The following PTPRD variants were observed in gnomAD, a reference collection of about 807,000 sequenced individuals.
The protein encoded by PTPRD is receptor-type tyrosine-protein phosphatase delta.
PTPRD carries 34 observed loss-of-function variants against 214.5 expected under a neutral mutation model. That is an observed-to-expected ratio of 0.16 (90% CI 0.12 to 0.21). The LOEUF (loss-of-function observed/expected upper bound fraction) is 0.21, where lower values mean the gene tolerates loss of function less well. Ranked by LOEUF, PTPRD falls within the 10% of genes least tolerant of loss-of-function variation. The pLI, the probability that PTPRD is intolerant of heterozygous loss-of-function variation, is 1.00. For synonymous variants in PTPRD, 1,128 were observed against 845.7 expected (o/e 1.33, Z -5.79); for missense variants, 2,545 against 2,398.7 (o/e 1.06, Z -1.27).
chr9:9,831,050 G>A (rs2054654342), intron 5 of PTPRD, among the ~76,000 whole-genome samples: 2 of 151,844 alleles, frequency 1.3e-5, no homozygotes, highest in Non-Finnish European at 1.5e-5. Context: ...ATTTTAGCAT[G>A]GAAGGTGAAA....
intron 14 of PTPRD, among the ~76,000 whole-genome samples, chr9:8,569,965 C>T (rs567985870): frequency 1.7e-4 from 26 of 152,128 alleles, no homozygotes; most frequent in Non-Finnish European, 2.5e-4. Flanking sequence ...GTACATAATG[C>T]GGTGAACTGT....
intron 37 of PTPRD, among the ~76,000 whole-genome samples, chr9:8,382,695 T>A (rs1271880261): frequency 6.6e-6 from 1 of 152,326 alleles, no homozygotes; most frequent in East Asian, 1.9e-4. Context: ...AACATGAGCA[T>A]CATTCTTTTT....
At chr9:10,031,350 A>G (rs539726617) in intron 4 of PTPRD, among the ~76,000 whole-genome samples, 1 of 151,958 alleles carries the variant, frequency 6.6e-6, no homozygotes, top group East Asian at 1.9e-4. Context: ...CATTTGAGTC[A>G]GTGGGCTGGG....
chr9:10,592,961 C>T (rs1023992441), intron 2 of PTPRD, among the ~76,000 whole-genome samples: 5 of 151,856 alleles, frequency 3.3e-5, no homozygotes, highest in East Asian at 3.9e-4. Flanking sequence ...CATGTTCTTT[C>T]GCTCTTCACA....
chr9:8,496,865 G>A (rs10115554), intron 26 of PTPRD, among the ~76,000 whole-genome samples: 19,437 of 152,142 alleles, frequency 0.13, 1,455 homozygotes, highest in African/African-American at 0.21. Flanking sequence ...ATCAGCTGTA[G>A]TTAATGTTAG....
At chr9:10,079,553 G>A (rs1018444716) in intron 3 of PTPRD, among the ~76,000 whole-genome samples, 2 of 152,002 alleles carry the variant, frequency 1.3e-5, no homozygotes, top group Non-Finnish European at 2.9e-5. Context: ...TTGAGTGTGG[G>A]CATCAAGGAT....
chr9:9,232,188 C>A (rs1050514839), intron 9 of PTPRD, among the ~76,000 whole-genome samples: 1 of 152,070 alleles, frequency 6.6e-6, no homozygotes, highest in Non-Finnish European at 1.5e-5. Context: ...GTGCATTATG[C>A]CCATCATTAC....
intron 11 of PTPRD, among the ~76,000 whole-genome samples, chr9:8,839,300 T>TTTTATTTATTTATTTA (rs3046017): frequency 1.3e-5 from 2 of 150,326 alleles, no homozygotes; most frequent in Admixed American, 6.6e-5. Flanking sequence ...ACCAAGGGGA[T>TTTTATTTATTTATTTA]TTTATTTATT....
intron 9 of PTPRD, among the ~76,000 whole-genome samples, chr9:9,195,716 C>CAAAAA (rs373628761): frequency 1.5e-5 from 2 of 130,252 alleles, no homozygotes; most frequent in Non-Finnish European, 3.4e-5. Flanking sequence ...TTTTTAAATG[C>CAAAAA]AAAAAAAAAA....
intron 3 of PTPRD, among the ~76,000 whole-genome samples, chr9:10,049,679 G>A (rs1309931697): frequency 2.6e-5 from 4 of 152,178 alleles, no homozygotes; most frequent in East Asian, 1.9e-4. Context: ...AGAATCTTCA[G>A]TAAAGAAAGA....
At chr9:8,814,188 T>A (rs1310122188) in intron 11 of PTPRD, among the ~76,000 whole-genome samples, 2 of 152,076 alleles carry the variant, frequency 1.3e-5, no homozygotes, top group Non-Finnish European at 2.9e-5. Flanking sequence ...AGGGATGCCA[T>A]CCTGAAACTC....
rs4742603 is a variant in PTPRD at position 9,478,712 on chromosome 9, T to A, written c.-236-81230A>T. ...AATATTAAAGTTGAAAATTAATTAA[T>A]CTTTTTAAAAATTTGATGCTCAAAA... On this transcript the variant is annotated intron_variant, in intron 8 of 45. Coordinates refer to ENST00000381196, the MANE Select transcript of PTPRD (RefSeq NM_002839.4). Among the ~76,000 whole-genome samples the A allele has an allele frequency of 2.8e-4, 42 of 152,094 alleles. 2 individuals carry two copies. In the East Asian group the frequency reaches 6.6e-3, roughly 24 times the overall value.
chr9:9,783,655 T>G (rs184838989), intron 5 of PTPRD, among the ~76,000 whole-genome samples: 1 of 152,048 alleles, frequency 6.6e-6, no homozygotes, highest in African/African-American at 2.4e-5. Context: ...ACAAGAACGC[T>G]ACTTTGTACC....
At chr9:10,037,825 C>T (rs922426349) in intron 3 of PTPRD, among the ~76,000 whole-genome samples, 1 of 152,122 alleles carries the variant, frequency 6.6e-6, no homozygotes, top group African/African-American at 2.4e-5. Flanking sequence ...GCTCAAATAT[C>T]TCATCTTAAA....
intron 4 of PTPRD, among the ~76,000 whole-genome samples, chr9:9,963,099 G>C (rs1202848657): frequency 6.6e-6 from 1 of 151,968 alleles, no homozygotes; most frequent in Non-Finnish European, 1.5e-5. Context: ...TTTGACTTTA[G>C]TAACAAGTTT....
At chr9:10,576,779 C>T (rs1266450584) in intron 2 of PTPRD, among the ~76,000 whole-genome samples, 1 of 152,096 alleles carries the variant, frequency 6.6e-6, no homozygotes, top group African/African-American at 2.4e-5. Context: ...TTGTCTTAAA[C>T]ACAACAGTTG....
intron 44 of PTPRD, among the ~76,000 whole-genome samples, chr9:8,329,767 A>T (rs1837864144): frequency 6.6e-6 from 1 of 151,938 alleles, no homozygotes; most frequent in Admixed American, 6.6e-5. Flanking sequence ...GCTGCAGTGG[A>T]CTCAGCCCTG....
At chr9:8,844,517 C>A (rs781251956) in intron 11 of PTPRD, among the ~76,000 whole-genome samples, 1 of 152,120 alleles carries the variant, frequency 6.6e-6, no homozygotes, top group African/African-American at 2.4e-5. Flanking sequence ...AATAAAATAT[C>A]ACTCAAAATG....
intron 3 of PTPRD, among the ~76,000 whole-genome samples, chr9:10,304,279 A>G (rs985584005): frequency 5.3e-5 from 8 of 152,194 alleles, no homozygotes; most frequent in African/African-American, 1.9e-4. Context: ...AGTAAGAGCT[A>G]TTTATGACAA....
Sources: gnomAD v4.1 joint callset for allele counts (sites outside exome capture counted in the v4.1 genomes callset) on GRCh38, gnomAD v4.1.1 for gene constraint, MANE v1.5 for transcripts, NCBI Gene and HGNC (gene_info 2026-07-23, HGNC 2026-07-21) for gene names.